DNAH11: variants seen among roughly 807,000 people sequenced by gnomAD.
DNAH11 encodes the protein dynein axonemal heavy chain 11, also known as axonemal beta dynein heavy chain 11.
A neutral mutation model predicts 526.0 loss-of-function variants in DNAH11; 442 were observed. The ratio of observed to expected loss-of-function variants is 0.84; its 90% CI spans 0.78 to 0.91. DNAH11 has a LOEUF of 0.91. DNAH11 is among the 40% of genes least tolerant of loss of function. DNAH11 has a pLI of 0.00. For synonymous variants in DNAH11, 2,461 were observed against 1,935.9 expected, an observed-to-expected ratio of 1.27 and a Z score of -7.12; for missense variants, 6,989 against 5,448.7, an observed-to-expected ratio of 1.28 and a Z score of -8.90.
intron 35 of DNAH11, among the ~76,000 whole-genome samples, chr7:21,694,147 A>G (rs1444239466): frequency 1.3e-5 from 2 of 152,256 alleles, no homozygotes; most frequent in South Asian, 2.1e-4. Context: ...GAGCCAAACC[A>G]TATCATTCAT....
Position 21,717,859 on chromosome 7 carries a change from A to C in DNAH11, c.7068A>C (p.Ala2356=), listed in dbSNP as rs773805632. The C allele has an allele frequency of 6.2e-7, 1 of 1,613,948 alleles. No individual in the cohort carries two copies. Among genetic ancestry groups the C allele is most frequent in the Non-Finnish European group, 8.5e-7 (1 of 1,179,836 alleles). The part of the protein sequence containing the change: ...LTILFDKYVP[A]CLDKLRTSFK... Reference sequence around the variant, plus strand: ...TTCTTTTTGATAAATATGTCCCTGCATGCTTGGATAAACTGAGAACAAGCT... The same window carrying C: ...TTCTTTTTGATAAATATGTCCCTGCCTGCTTGGATAAACTGAGAACAAGCT... The change falls in exon 43 of 82, where the codon GCA becomes GCC. Residue 2356 remains alanine (A), a synonymous_variant. Transcript: ENST00000409508.
chr7:21,687,600 T>C (rs1455638313), intron 34 of DNAH11, 73 bp downstream of exon 34: 9 of 1,504,472 alleles, frequency 6.0e-6, no homozygotes, highest in Non-Finnish European at 6.3e-6. Context: ...TCCCCTTCAC[T>C]GTCTATTGCT....
chr7:21,878,590 C>T (rs1340941118), intron 74 of DNAH11, among the ~76,000 whole-genome samples: 1 of 152,082 alleles, frequency 6.6e-6, no homozygotes, highest in African/African-American at 2.4e-5. Flanking sequence ...TTGTATATTT[C>T]CAAGCCCCAT....
At chr7:21,688,684 C>A (rs1783485405) in intron 34 of DNAH11, among the ~76,000 whole-genome samples, 2 of 152,226 alleles carry the variant, frequency 1.3e-5, no homozygotes, top group African/African-American at 2.4e-5. Context: ...GTTGTCTCAT[C>A]CCAATAGGTT....
At chr7:21,546,510 T>C (rs537065381) in intron 2 of DNAH11, among the ~76,000 whole-genome samples, 54 of 152,328 alleles carry the variant, frequency 3.5e-4, no homozygotes, top group African/African-American at 1.3e-3. Flanking sequence ...CTTGCTCTAC[T>C]ATCTGTGTCT....
chr7:21,864,485 C>T (rs954428382), intron 69 of DNAH11, 50 bp from the exon 70 acceptor site: 9 of 1,582,460 alleles, frequency 5.7e-6, no homozygotes, highest in Middle Eastern at 1.7e-4. Flanking sequence ...TCCTGTGTGA[C>T]GATTTTCATG....
chr7:21,646,096 G>A (rs1003954213), intron 28 of DNAH11, among the ~76,000 whole-genome samples: 2 of 151,990 alleles, frequency 1.3e-5, no homozygotes, highest in African/African-American at 4.8e-5. Context: ...AAAAACAAAG[G>A]CAGATTATCT....
At chr7:21,670,985 T>C (rs1189345301) in intron 30 of DNAH11, among the ~76,000 whole-genome samples, 5 of 152,140 alleles carry the variant, frequency 3.3e-5, no homozygotes, top group African/African-American at 7.2e-5. Context: ...TCTTTTTCTA[T>C]GATATCTTTG....
At chr7:21,770,573 C>T (rs1028263313) in intron 55 of DNAH11, among the ~76,000 whole-genome samples, 4 of 152,176 alleles carry the variant, frequency 2.6e-5, no homozygotes, top group Admixed American at 6.5e-5. Flanking sequence ...GTAGTTTCCC[C>T]TGGGATGGAG....
At chr7:21,591,143 A>G in intron 13 of DNAH11, 42 bp from the exon 14 acceptor site, 3 of 1,524,982 alleles carry the variant, frequency 2.0e-6, no homozygotes, top group Non-Finnish European at 2.6e-6. Flanking sequence ...GAAAATAGCT[A>G]ACATATTTGG....
chr7:21,712,316 A>G (rs537151044), intron 42 of DNAH11, among the ~76,000 whole-genome samples: 3 of 152,322 alleles, frequency 2.0e-5, no homozygotes, highest in Admixed American at 1.3e-4. Flanking sequence ...CCTTTTGGCT[A>G]TTGTGAACAA....
chr7:21,569,019 G>C (rs538499009), intron 6 of DNAH11, among the ~76,000 whole-genome samples: 1 of 152,124 alleles, frequency 6.6e-6, no homozygotes, highest in Non-Finnish European at 1.5e-5. Context: ...GGAAATAAAA[G>C]CATAGATTGG....
intron 2 of DNAH11, among the ~76,000 whole-genome samples, chr7:21,550,756 CA>C (rs1285936031): frequency 1.2e-4 from 18 of 152,236 alleles, no homozygotes; most frequent in African/African-American, 4.3e-4. Context: ...AATCTAGGTA[CA>C]ACCTGTTTTA....
At chr7:21,612,865 AGT>A (rs1379943578) in intron 20 of DNAH11, among the ~76,000 whole-genome samples, 1 of 152,244 alleles carries the variant, frequency 6.6e-6, no homozygotes, top group Non-Finnish European at 1.5e-5. Flanking sequence ...TTAGAAAATC[AGT>A]GTAATTAATT....
chr7:21,726,157 C>G (rs1215068371), intron 45 of DNAH11, among the ~76,000 whole-genome samples, 173 bp downstream of exon 45: 1 of 152,128 alleles, frequency 6.6e-6, no homozygotes, highest in Non-Finnish European at 1.5e-5. Flanking sequence ...CTCAGAAAAT[C>G]ACAGGGGAAG....
chr7:21,784,414 C>T lies in DNAH11; in HGVS notation c.9484-13C>T. Reference sequence around the variant, plus strand: ...AATTTATACGGGTTTGTGTGCTTTTCCTCTTTAATTAGGTGACAGCCATTC... The same window carrying T: ...AATTTATACGGGTTTGTGTGCTTTTTCTCTTTAATTAGGTGACAGCCATTC... On this transcript the variant is annotated splice_polypyrimidine_tract_variant and intron_variant, in intron 57 of 81. Coordinates refer to ENST00000409508, the MANE Select transcript of DNAH11 (RefSeq NM_001277115.2). The T allele has an allele frequency of 6.3e-7, 1 of 1,599,700 alleles. No individual in the cohort carries two copies. Among genetic ancestry groups the T allele is most frequent in the South Asian group, 1.1e-5 (1 of 89,818 alleles).
At chr7:21,855,082 A>C (rs1782789851) in intron 68 of DNAH11, among the ~76,000 whole-genome samples, 1 of 132,446 alleles carries the variant, frequency 7.6e-6, no homozygotes, top group South Asian at 2.3e-4. Context: ...CCCACGCTGG[A>C]GTGCAGTGGC....
At chr7:21,739,215 G>A (rs951694136) in intron 47 of DNAH11, among the ~76,000 whole-genome samples, 12 of 152,130 alleles carry the variant, frequency 7.9e-5, no homozygotes, top group African/African-American at 2.7e-4. Flanking sequence ...AAATGTTTGG[G>A]CACTGTAGTC....
chr7:21,851,899 G>A (rs924814000), intron 66 of DNAH11, among the ~76,000 whole-genome samples: 2 of 151,932 alleles, frequency 1.3e-5, no homozygotes, highest in Non-Finnish European at 2.9e-5. Context: ...AGTTTCTGAT[G>A]TTTTCTTAAA....
Sources: gnomAD v4.1 joint callset for allele counts (sites outside exome capture counted in the v4.1 genomes callset) on GRCh38, gnomAD v4.1.1 for gene constraint, MANE v1.5 for transcripts, NCBI Gene and HGNC (gene_info 2026-07-23, HGNC 2026-07-21) for gene names.